The following DLG2 variants were observed in gnomAD, a reference collection of about 807,000 sequenced individuals.
DLG2 encodes the protein disks large homolog 2.
A neutral mutation model predicts 132.5 loss-of-function variants in DLG2; 45 were observed. That is an observed-to-expected ratio of 0.34 (90% CI 0.27 to 0.44). DLG2 has a LOEUF of 0.44. Ranked by LOEUF, DLG2 falls within the 20% of genes least tolerant of loss-of-function variation. DLG2 has a pLI of 1.00. For missense variants in DLG2, 1,045 were observed against 1,196.9 expected (o/e 0.87, Z 1.87); for synonymous variants, 424 against 419.6 (o/e 1.01, Z -0.13).
At chr11:84,446,563 ATTT>A (rs61311812) in intron 7 of DLG2, among the ~76,000 whole-genome samples, 2 of 145,202 alleles carry the variant, frequency 1.4e-5, no homozygotes, top group African/African-American at 2.5e-5. Flanking sequence ...TTTCATATCA[ATTT>A]TTTTTTTTTT....
chr11:85,406,434 G>A (rs1232502236), intron 3 of DLG2, among the ~76,000 whole-genome samples: 1 of 150,686 alleles, frequency 6.6e-6, no homozygotes, highest in East Asian at 2.0e-4. Flanking sequence ...TTAGAATACT[G>A]AAAGCACATT....
intron 9 of DLG2, among the ~76,000 whole-genome samples, chr11:84,135,116 T>A (rs1226225637): frequency 6.6e-6 from 1 of 152,100 alleles, no homozygotes; most frequent in Admixed American, 6.6e-5. Flanking sequence ...AGAGTAAGAA[T>A]TTTTGTTTAC....
intron 18 of DLG2, among the ~76,000 whole-genome samples, chr11:83,770,252 G>GGTGTTTTTTTTT (rs2094331591): frequency 1.0e-5 from 1 of 98,500 alleles, no homozygotes; most frequent in Non-Finnish European, 2.1e-5. Context: ...CGTGGTGTCT[G>GGTGTTTTTTTTT]GTGTTTTTTT....
intron 6 of DLG2, among the ~76,000 whole-genome samples, chr11:84,616,232 A>G (rs958111277): frequency 3.9e-5 from 6 of 152,032 alleles, no homozygotes; most frequent in Non-Finnish European, 8.8e-5. Context: ...TCAGTTGACA[A>G]AATCTGGTCT....
chr11:83,760,364 T>G (rs994557715), intron 18 of DLG2, among the ~76,000 whole-genome samples: 1 of 152,192 alleles, frequency 6.6e-6, no homozygotes, highest in Non-Finnish European at 1.5e-5. Flanking sequence ...AGCTGCATAG[T>G]GCAAAAGCTG....
intron 9 of DLG2, among the ~76,000 whole-genome samples, chr11:84,119,930 G>A (rs1024661764): frequency 6.6e-6 from 1 of 152,102 alleles, no homozygotes; most frequent in Non-Finnish European, 1.5e-5. Flanking sequence ...CTTTGTACTG[G>A]AACATTTATT....
At chr11:84,329,075 C>T (rs140078041) in intron 7 of DLG2, among the ~76,000 whole-genome samples, 1 of 151,972 alleles carries the variant, frequency 6.6e-6, no homozygotes, top group East Asian at 1.9e-4. Context: ...TGCAGGATAT[C>T]CCTTGCTATT....
chr11:84,214,621 C>T (rs1211116309), intron 8 of DLG2, among the ~76,000 whole-genome samples: 3 of 152,040 alleles, frequency 2.0e-5, no homozygotes, highest in Non-Finnish European at 4.4e-5. Flanking sequence ...AGTACAGCTT[C>T]TAAAAAGTAT....
At chr11:84,172,802 A>G (rs1411602924) in intron 8 of DLG2, among the ~76,000 whole-genome samples, 1 of 152,124 alleles carries the variant, frequency 6.6e-6, no homozygotes, top group African/African-American at 2.4e-5. Context: ...TTGGCCTCCC[A>G]AAGTGCTGGG....
chr11:84,770,802 C>T lies in DLG2; in HGVS notation c.358-236071G>A, dbSNP rs144606907. ...CTGGGACTACAGGTGCCAGCTACCACGCCTGGCTAATTTTTTTTTTTTTTT... is the reference window on the plus strand; with the variant it reads ...CTGGGACTACAGGTGCCAGCTACCATGCCTGGCTAATTTTTTTTTTTTTTT... On this transcript the variant is annotated intron_variant, in intron 6 of 27. Transcript: ENST00000376104. 5.9e-3 allele frequency among the ~76,000 whole-genome samples: 883 copies of T among 150,930 alleles called. 6 individuals are homozygous for T. The highest frequency in any genetic ancestry group is 0.02 in the South Asian group (94 of 4,724).
At chr11:84,428,666 A>C (rs2098974866) in intron 7 of DLG2, among the ~76,000 whole-genome samples, 1 of 152,178 alleles carries the variant, frequency 6.6e-6, no homozygotes, top group Admixed American at 6.5e-5. Flanking sequence ...GGCCTCATTT[A>C]ACCTTAATTA....
At chr11:85,589,200 C>T (rs2079153845) in intron 3 of DLG2, among the ~76,000 whole-genome samples, 1 of 152,172 alleles carries the variant, frequency 6.6e-6, no homozygotes, top group Non-Finnish European at 1.5e-5. Flanking sequence ...CACTGGTTAG[C>T]CAGGATGTTG....
chr11:85,610,489 C>T (rs1358940835), intron 2 of DLG2, among the ~76,000 whole-genome samples: 1 of 152,202 alleles, frequency 6.6e-6, no homozygotes, highest in African/African-American at 2.4e-5. Context: ...TGTGAGGACC[C>T]CACAGACCAC....
intron 4 of DLG2, among the ~76,000 whole-genome samples, chr11:85,241,419 T>C (rs1287551470): frequency 8.6e-5 from 13 of 151,966 alleles, no homozygotes; most frequent in Non-Finnish European, 1.5e-5. Flanking sequence ...GGGCTTCCCA[T>C]ATATTGCCAA....
intron 3 of DLG2, among the ~76,000 whole-genome samples, chr11:85,475,954 TAAGA>T (rs2093128211): frequency 6.6e-6 from 1 of 152,278 alleles, no homozygotes; most frequent in East Asian, 1.9e-4. Flanking sequence ...TCCAAAGATC[TAAGA>T]AAGTATCTAC....
chr11:85,510,524 G>T (rs1687617555), intron 3 of DLG2, among the ~76,000 whole-genome samples: 1 of 148,336 alleles, frequency 6.7e-6, no homozygotes, highest in African/African-American at 2.5e-5. Flanking sequence ...AAATTTACAA[G>T]AAAAAAAAAC....
intron 4 of DLG2, among the ~76,000 whole-genome samples, chr11:85,246,028 A>C (rs946299697): frequency 2.6e-5 from 4 of 151,760 alleles, no homozygotes; most frequent in African/African-American, 9.7e-5. Flanking sequence ...AATCCTGATC[A>C]CCCTTAACTC....
At position 85,070,001 on chromosome 11, in the gene DLG2, T is replaced by C. The variant is rs532422815; in HGVS notation, c.357+41660A>G. On this transcript the variant is annotated intron_variant, in intron 6 of 27. Coordinates refer to ENST00000376104, the MANE Select transcript of DLG2 (RefSeq NM_001142699.3). ...AAAAATGATGAGTTCATGTCCTTTGTAGGGACATGGATGAAGCTGGAAACC... is the reference window on the plus strand; with the variant it reads ...AAAAATGATGAGTTCATGTCCTTTGCAGGGACATGGATGAAGCTGGAAACC... Among the ~76,000 whole-genome samples, 354 of 152,006 alleles carry C rather than the reference T, an allele frequency of 2.3e-3. 1 individual carries two copies. Among genetic ancestry groups the C allele is most frequent in the Non-Finnish European group, 3.1e-3 (213 of 67,930 alleles).
At chr11:85,404,950 G>A (rs909002824) in intron 3 of DLG2, among the ~76,000 whole-genome samples, 6 of 152,006 alleles carry the variant, frequency 3.9e-5, no homozygotes, top group Non-Finnish European at 7.4e-5. Context: ...TCCTTGGACA[G>A]TCAGGAGGTT....
Sources: gnomAD v4.1 joint callset for allele counts (sites outside exome capture counted in the v4.1 genomes callset) on GRCh38, gnomAD v4.1.1 for gene constraint, MANE v1.5 for transcripts, NCBI Gene and HGNC (gene_info 2026-07-23, HGNC 2026-07-21) for gene names.